Variants in MYG1 observed in about 807,000 individuals in gnomAD.
MYG1 encodes the protein MYG1 exonuclease, also known as UPF0160 protein MYG1, mitochondrial.
Under a neutral mutation model 43.5 loss-of-function variants are expected in MYG1, and 36 were observed. That is an observed-to-expected ratio of 0.83 (90% confidence interval 0.63 to 1.09). The LOEUF is 1.09. Ranked by LOEUF, MYG1 falls within the 50% of genes least tolerant of loss-of-function variation. MYG1 has a pLI of 0.00. For missense variants in MYG1, 529 were observed against 495.1 expected, an observed-to-expected ratio of 1.07 and a Z score of -0.65; for synonymous variants, 220 against 202.8, an observed-to-expected ratio of 1.08 and a Z score of -0.72.
rs575158397 is a variant in MYG1, at chr12:53,301,520, G to A, written c.329+1258G>A. 2.6e-5 allele frequency among the ~76,000 whole-genome samples: 4 copies of A among 152,126 alleles called. No individual in the cohort carries two copies. In the South Asian group the frequency reaches 8.3e-4, roughly 32 times the overall value. On this transcript the variant is annotated intron_variant, in intron 2 of 6. Transcript: ENST00000267103. ...CTCAGCCACCCTTCAAAAAACAGCT[G>A]ACCGTGGCTTCACCTGTTCCTTTCC...
chr12:53,302,882 G>A, intron 2 of MYG1, 152 bp from the exon 3 acceptor site: 4 of 923,484 alleles, frequency 4.3e-6, no homozygotes, highest in Non-Finnish European at 6.5e-6. Context: ...AGATGAATCT[G>A]AAAGCAAGGA....
intron 2 of MYG1, among the ~76,000 whole-genome samples, chr12:53,302,421 C>T (rs1159001945): frequency 6.6e-6 from 1 of 152,180 alleles, no homozygotes; most frequent in African/African-American, 2.4e-5. Context: ...ATTTTCTGCC[C>T]CACTGCTGTT....
At chr12:53,306,616 C>T in intron 5 of MYG1, 64 bp from the exon 6 acceptor site, 1 of 1,533,462 alleles carries the variant, frequency 6.5e-7, no homozygotes, top group East Asian at 2.2e-5. Context: ...AATGTTGTGA[C>T]TACAAACATG....
rs867241996 is a variant in MYG1, at chr12:53,305,121, G to A, written c.490-787G>A. 9.1e-5 allele frequency among the ~76,000 whole-genome samples: 6 copies of A among 65,914 alleles called. No individual in the cohort carries two copies. In the South Asian group the frequency reaches 3.9e-3, roughly 43 times the overall value. The allele number at this position is 65,914 out of a possible 152,430, so 43.2% of individuals were successfully genotyped here. A position where few individuals can be genotyped will look rare whatever the true frequency, so the allele number is the denominator to read the frequency against. On this transcript the variant is annotated intron_variant, in intron 3 of 6. Coordinates refer to ENST00000267103, the MANE Select transcript of MYG1 (RefSeq NM_021640.4). Reference sequence around the variant, plus strand: ...CTGACCTCGTGATCCGCCCGCCTCGGCCTCCCAAAGTGCTGGGATTACAGG... The same window carrying A: ...CTGACCTCGTGATCCGCCCGCCTCGACCTCCCAAAGTGCTGGGATTACAGG...
intron 2 of MYG1, among the ~76,000 whole-genome samples, chr12:53,300,531 T>G (rs148171403): frequency 6.6e-6 from 1 of 152,284 alleles, no homozygotes; most frequent in East Asian, 1.9e-4. Flanking sequence ...ATCAGCAACT[T>G]CATCACCCCA....
rs1385530764 is a variant in MYG1 at position 53,306,671 on chromosome 12, C to T, written c.766-9C>T. The T allele has an allele frequency of 6.2e-7, 1 of 1,610,446 alleles. No homozygotes were observed. The highest frequency in any genetic ancestry group is 1.1e-5 in the South Asian group (1 of 90,502). Reference sequence around the variant, plus strand: ...CTTAAACCTTCTAGCTATGCTCTCCCTCTTTCAGGTGGACCCAAGTGGAGA... The same window carrying T: ...CTTAAACCTTCTAGCTATGCTCTCCTTCTTTCAGGTGGACCCAAGTGGAGA... On this transcript the variant is annotated splice_polypyrimidine_tract_variant and intron_variant, in intron 5 of 6. Coordinates refer to ENST00000267103, the MANE Select transcript of MYG1 (RefSeq NM_021640.4).
chr12:53,300,173 G>T lies in MYG1; in HGVS notation c.240G>T (p.Arg80=). The T allele has an allele frequency of 6.2e-7, 1 of 1,604,520 alleles. No homozygotes were observed. The highest frequency in any genetic ancestry group is 8.5e-7 in the Non-Finnish European group (1 of 1,174,936). Residue 80 remains arginine, a synonymous_variant, in exon 2 of 7, where the codon CGG becomes CGT. Transcript: ENST00000267103. ...AGGATGCAGAGATTGTGCGGACCCG[G>T]GATCCCGAAAAACTCGCTTCCTGTG... ...EYRDAEIVRT[R]DPEKLASCDI... is the part of the protein sequence containing the mutation.
Position 53,305,069 on chromosome 12 carries a change from C to T in MYG1, c.490-839C>T, listed in dbSNP as rs1207760313. Among the ~76,000 whole-genome samples the T allele has an allele frequency of 5.9e-5, 9 of 151,428 alleles. No individual in the cohort carries two copies. The South Asian group carries it at 1.5e-3, about 25-fold the overall frequency. On this transcript the variant is annotated intron_variant, in intron 3 of 6. Coordinates refer to ENST00000267103, the MANE Select transcript of MYG1 (RefSeq NM_021640.4). ...ATTTTTAGTAGAGACGGGGTTTCAC[C>T]GTTTTAGCCGGGATGGTCTCGATCT...
intron 3 of MYG1, 99 bp downstream of exon 3, chr12:53,303,292 G>T: frequency 7.3e-7 from 1 of 1,373,696 alleles, no homozygotes; most frequent in Non-Finnish European, 9.8e-7. Context: ...TCGGGTCAGG[G>T]TTCCTGGCCT....
chr12:53,302,015 C>T (rs1944236301), intron 2 of MYG1, among the ~76,000 whole-genome samples: 2 of 151,176 alleles, frequency 1.3e-5, no homozygotes, highest in Non-Finnish European at 2.9e-5. Flanking sequence ...GATGGAGTTT[C>T]GCTATTGTTG....
At chr12:53,300,962 C>CA (rs1418053827) in intron 2 of MYG1, among the ~76,000 whole-genome samples, 1 of 151,504 alleles carries the variant, frequency 6.6e-6, no homozygotes, top group Non-Finnish European at 1.5e-5. Flanking sequence ...CACTGTCGCC[C>CA]AAGCTGGAGT....
chr12:53,306,142 C>T, intron 4 of MYG1, 56 bp from the exon 5 acceptor site: 2 of 1,612,838 alleles, frequency 1.2e-6, no homozygotes, highest in South Asian at 2.2e-5. Flanking sequence ...CCTCCTAAGC[C>T]CTAGCAAATT....
intron 3 of MYG1, 188 bp downstream of exon 3, chr12:53,303,381 C>T (rs1030471234): frequency 3.3e-6 from 2 of 608,632 alleles, no homozygotes; most frequent in Non-Finnish European, 5.5e-6. Context: ...CTGTCTACAT[C>T]CTGGGGTGGT....
intron 2 of MYG1, among the ~76,000 whole-genome samples, chr12:53,302,719 T>C (rs997163439): frequency 2.6e-5 from 4 of 152,060 alleles, no homozygotes; most frequent in African/African-American, 7.2e-5. Flanking sequence ...GCTTTTTCTC[T>C]TTCACCCCTT....
chr12:53,305,986 G>A lies in MYG1; in HGVS notation c.568G>A (p.Ala190Thr). The change falls in exon 4 of 7, where the codon GCA becomes ACA. Residue 190 changes from alanine to threonine, a missense_variant. Coordinates refer to ENST00000267103, the MANE Select transcript of MYG1 (RefSeq NM_021640.4). ...GTGGGCAGAGGGGGAGCCTCGATAT[G>A]CACTGACCACTACCCTGAGTGCACG... ...SQWAEGEPRY[A>T]LTTTLSARVA... 6.2e-7 allele frequency: 1 copy of A among 1,614,134 alleles called. No homozygotes were observed. Among genetic ancestry groups the A allele is most frequent in the Non-Finnish European group, 8.5e-7 (1 of 1,180,014 alleles).
At position 53,303,072 on chromosome 12, in the gene MYG1, A is replaced by C. The variant is rs746482374; in HGVS notation, c.368A>C (p.Lys123Thr). 9 of 1,613,838 alleles carry C rather than the reference A, an allele frequency of 5.6e-6. No homozygotes were observed. The South Asian group carries it at 9.9e-5, about 18-fold the overall frequency. ...ACCATGAGCTCCCTGTCCCCTGGGA[A>C]GCCGTGGCAGACCAAGCTGAGCAGT... ...TETMSSLSPG[K>T]PWQTKLSSAG... The change falls in exon 3 of 7, where the codon AAG becomes ACG. Residue 123 changes from lysine (K) to threonine (T), a missense_variant. By Grantham distance (78) the Lys-to-Thr change is moderately conservative (BLOSUM62 -1). Coordinates refer to ENST00000267103, the MANE Select transcript of MYG1 (RefSeq NM_021640.4).
Position 53,299,963 on chromosome 12 carries a change from G to T in MYG1, c.216+10G>T. 1 of 1,613,980 alleles carries T rather than the reference G, an allele frequency of 6.2e-7. No individual in the cohort carries two copies. Among genetic ancestry groups the T allele is most frequent in the East Asian group, 2.2e-5 (1 of 44,872 alleles). ...CCTGCCGGAGTACCGGGTACGGTCC[G>T]CGAAAAGTGACCCTGGGACTGCGTG... On this transcript the variant is annotated intron_variant, in intron 1 of 6. Coordinates refer to ENST00000267103, the MANE Select transcript of MYG1 (RefSeq NM_021640.4).
chr12:53,300,068 C>A, intron 1 of MYG1, 82 bp from the exon 2 acceptor site: 1 of 1,522,574 alleles, frequency 6.6e-7, no homozygotes, highest in Non-Finnish European at 8.9e-7. Flanking sequence ...ACCCTTCCTA[C>A]CCTTCCTGCC....
rs1410350115 is a variant in MYG1, at chr12:53,307,101, G to A, written c.1083G>A (p.Met361Ile). 1.9e-6 allele frequency: 3 copies of A among 1,614,052 alleles called. No homozygotes were observed. Among genetic ancestry groups the A allele is most frequent in the Admixed American group, 3.3e-5 (2 of 59,996 alleles). The change falls in exon 7 of 7, where the codon ATG (methionine) becomes ATA (isoleucine). Residue 361 changes from methionine to isoleucine, a missense_variant. Met to Ile is a conservative substitution (Grantham distance 10). Coordinates refer to ENST00000267103, the MANE Select transcript of MYG1 (RefSeq NM_021640.4). ...GHHTREGALS[M>I]ARATLAQRSY... is the part of the protein sequence containing the mutation. ...ACACCCGAGAGGGTGCCTTGAGCAT[G>A]GCCCGTGCCACCTTGGCCCAGCGCT... is the stretch of plus-strand genomic sequence containing the variant.
Sources: allele counts gnomAD v4.1 joint callset (sites outside exome capture counted in the v4.1 genomes callset), GRCh38; gene constraint gnomAD v4.1.1; transcripts MANE v1.5; gene names NCBI Gene and HGNC (gene_info 2026-07-23, HGNC 2026-07-21).